Variants in CAGE1 observed in about 807,000 individuals in gnomAD.
The protein encoded by CAGE1 is cancer-associated gene 1 protein.
CAGE1 carries 66 observed loss-of-function variants against 94.9 expected under a neutral mutation model. The ratio of observed to expected loss-of-function variants is 0.70; its 90% CI spans 0.57 to 0.85. CAGE1 has a LOEUF of 0.85. Ranked by LOEUF, CAGE1 falls within the 40% of genes least tolerant of loss-of-function variation. The probability of loss-of-function intolerance (pLI) is 0.00; values close to 1 mark genes in which losing one functional copy is unlikely to be tolerated. For missense variants in CAGE1, 865 were observed against 950.4 expected (o/e 0.91, Z 1.18); for synonymous variants, 319 against 321.0 (o/e 0.99, Z 0.07).
In CAGE1 at chr6:7,359,371, G is replaced by A. The variant is rs530380101; in HGVS notation, c.2194-3242C>T. On this transcript the variant is annotated intron_variant, in intron 9 of 13. Coordinates refer to ENST00000502583, the MANE Select transcript of CAGE1 (RefSeq NM_001170692.2). ...CTAATTTGTATCTTAAAGATGTTAA[G>A]TATCTTTGCCACCTCTTCAGCACCT... Among the ~76,000 whole-genome samples the A allele has an allele frequency of 5.3e-5, 8 of 152,254 alleles. No individual in the cohort carries two copies. In the South Asian group the frequency reaches 1.4e-3, roughly 28 times the overall value.
chr6:7,364,714 C>T (rs1350923017), intron 9 of CAGE1, among the ~76,000 whole-genome samples: 1 of 151,770 alleles, frequency 6.6e-6, no homozygotes, highest in Non-Finnish European at 1.5e-5. Flanking sequence ...ATGATCCACC[C>T]GCCTCAGCCT....
chr6:7,342,179 C>T (rs1382891426), intron 11 of CAGE1: 2 of 1,005,266 alleles, frequency 2.0e-6, no homozygotes, highest in East Asian at 2.4e-5. Context: ...GACAGTTGGG[C>T]CCCCTGCCCA....
chr6:7,369,808 A>G (rs1363966021), intron 6 of CAGE1, 111 bp downstream of exon 6: 2 of 1,109,492 alleles, frequency 1.8e-6, no homozygotes, highest in Admixed American at 3.0e-5. Flanking sequence ...TTTATCTTCA[A>G]TTCTTCATTT....
chr6:7,331,652 A>G, intron 12 of CAGE1: 1 of 227,238 alleles, frequency 4.4e-6, no homozygotes, highest in Non-Finnish European at 9.2e-6. Context: ...GCGGGGGTGC[A>G]GGCGAGCTTG....
At chr6:7,380,982 C>T (rs1353470596) in intron 3 of CAGE1, among the ~76,000 whole-genome samples, 1 of 152,190 alleles carries the variant, frequency 6.6e-6, no homozygotes, top group Non-Finnish European at 1.5e-5. Context: ...CTTTGCTCTA[C>T]ACATCTCTCC....
At chr6:7,341,625 G>A (rs891662012) in intron 11 of CAGE1, 8 of 764,452 alleles carry the variant, frequency 1.0e-5, no homozygotes, top group African/African-American at 5.2e-5. Flanking sequence ...ACAGATGGGT[G>A]TTTGCAACAG....
intron 5 of CAGE1, among the ~76,000 whole-genome samples, chr6:7,372,468 CA>C (rs71542850): frequency 1.2e-3 from 143 of 114,582 alleles, no homozygotes; most frequent in South Asian, 2.7e-3. Context: ...AATACTGTCT[CA>C]AAAAAAAAAA....
At position 7,329,884 on chromosome 6, in the gene CAGE1, T is replaced by G; in HGVS notation, c.2443A>C (p.Lys815Gln). ...PREKARKPRS[K>Q]SLENHPKSMT... The stretch of plus-strand genomic sequence containing the variant: ...GACTTCGGATGATTTTCTAAGCTTT[T>G]TGATCTGTAAGAAATAGAAAGAAAA... The change falls in exon 13 of 14, where the codon AAA becomes CAA. Residue 815 changes from lysine (K) to glutamine (Q), a missense_variant. By Grantham distance (53) the Lys-to-Gln change is moderately conservative. Transcript: ENST00000502583. 1 of 1,424,534 alleles carries G rather than the reference T, an allele frequency of 7.0e-7. No individual in the cohort carries two copies. The highest frequency in any genetic ancestry group is 9.8e-7 in the Non-Finnish European group (1 of 1,021,742). The allele number at this position is 1,424,534 out of a possible 1,614,324, so 88.2% of individuals were successfully genotyped here.
chr6:7,334,069 ATGTT>A lies in CAGE1; in HGVS notation c.2387_2390del (p.Lys796IlefsTer2). ...TGGGCTTTCTAATTAAATCCTCTAA[ATGTT>A]TATTTCTCTCTTCCAAACTGAAAGA... On this transcript the variant is annotated frameshift_variant, in exon 12 of 14. Transcript: ENST00000502583. LOFTEE classifies it high-confidence loss of function. 1 of 1,537,868 alleles carries A rather than the reference ATGTT, an allele frequency of 6.5e-7. No homozygotes were observed. The highest frequency in any genetic ancestry group is 8.8e-7 in the Non-Finnish European group (1 of 1,135,836).
intron 11 of CAGE1, among the ~76,000 whole-genome samples, chr6:7,337,469 G>A (rs936075029): frequency 6.6e-5 from 10 of 151,976 alleles, no homozygotes; most frequent in Admixed American, 2.6e-4. Flanking sequence ...TTTCTCATAT[G>A]TGTTCTTCTA....
intron 9 of CAGE1, among the ~76,000 whole-genome samples, chr6:7,358,028 AT>A (rs1760024589): frequency 0.019 from 1,289 of 66,878 alleles, 52 homozygotes; most frequent in Middle Eastern, 0.05. Context: ...AAGTTTTGAG[AT>A]ATATATATAT....
At chr6:7,348,725 A>AC (rs747379307) in intron 11 of CAGE1, among the ~76,000 whole-genome samples, 22 of 152,158 alleles carry the variant, frequency 1.4e-4, no homozygotes, top group Admixed American at 2.6e-4. Context: ...AGAAAAAAAA[A>AC]CTTCAGGAAA....
intron 7 of CAGE1, among the ~76,000 whole-genome samples, chr6:7,368,252 C>CAA (rs57530544): frequency 0.077 from 6,447 of 84,094 alleles, 400 homozygotes; most frequent in African/African-American, 0.21. Context: ...GACTCTGTCT[C>CAA]AAAAAAAAAA....
intron 9 of CAGE1, among the ~76,000 whole-genome samples, chr6:7,358,027 G>GATAGATAGAT (rs1554138205): frequency 8.3e-5 from 4 of 48,072 alleles, no homozygotes; most frequent in Non-Finnish European, 1.7e-4. Flanking sequence ...TAAGTTTTGA[G>GATAGATAGAT]ATATATATAT....
chr6:7,389,297 G>A lies in CAGE1; in HGVS notation c.-119C>T, dbSNP rs1761250552. 2.2e-6 allele frequency: 1 copy of A among 456,172 alleles called. No individual in the cohort carries two copies. Among genetic ancestry groups the A allele is most frequent in the Non-Finnish European group, 4.4e-6 (1 of 226,982 alleles). The allele number at this position is 456,172 out of a possible 1,614,324, so 28.3% of individuals were successfully genotyped here. On this transcript the variant is annotated 5_prime_UTR_variant, in exon 1 of 14. Coordinates refer to ENST00000502583, the MANE Select transcript of CAGE1 (RefSeq NM_001170692.2). ...AGTGTGCTCACTTCCAGGATCCATA[G>A]TTTCTTGGACCCACGCTACGGACCT... is the stretch of plus-strand genomic sequence containing the variant.
chr6:7,350,026 T>C (rs1033927418), intron 11 of CAGE1, among the ~76,000 whole-genome samples: 17 of 150,516 alleles, frequency 1.1e-4, no homozygotes, highest in Non-Finnish European at 2.2e-4. Context: ...ACCTAACACA[T>C]AAGGACTCAC....
At chr6:7,352,298 A>AC (rs1759801961) in intron 11 of CAGE1, among the ~76,000 whole-genome samples, 1 of 119,364 alleles carries the variant, frequency 8.4e-6, no homozygotes, top group East Asian at 2.6e-4. Context: ...TGCAAAAAAA[A>AC]AAAAAAACAA....
chr6:7,336,913 G>A (rs979286133), intron 11 of CAGE1, among the ~76,000 whole-genome samples: 1 of 152,086 alleles, frequency 6.6e-6, no homozygotes, highest in African/African-American at 2.4e-5. Context: ...GTTTTCTTAT[G>A]ACTGAATTTT....
At chr6:7,331,834 T>G (rs761526372) in intron 12 of CAGE1, among the ~76,000 whole-genome samples, 2 of 152,198 alleles carry the variant, frequency 1.3e-5, no homozygotes, top group Non-Finnish European at 2.9e-5. Flanking sequence ...TATTTGCAAA[T>G]GGTATGCTGA....
Sources: gnomAD v4.1 joint callset for allele counts (sites outside exome capture counted in the v4.1 genomes callset) on GRCh38, gnomAD v4.1.1 for gene constraint, MANE v1.5 for transcripts, NCBI Gene and HGNC (gene_info 2026-07-23, HGNC 2026-07-21) for gene names.